SLC12A6: variants seen among roughly 807,000 people sequenced by gnomAD.
SLC12A6 encodes the protein solute carrier family 12 member 6.
Under a neutral mutation model 135.3 loss-of-function variants are expected in SLC12A6, and 66 were observed. The ratio of observed to expected loss-of-function variants is 0.49; its 90% CI spans 0.40 to 0.60. SLC12A6 has a LOEUF of 0.60. Ranked by LOEUF, SLC12A6 falls within the 20% of genes least tolerant of loss-of-function variation. SLC12A6 has a pLI of 0.00. For synonymous variants in SLC12A6, 513 were observed against 508.8 expected, an observed-to-expected ratio of 1.01 and a Z score of -0.11; for missense variants, 1,058 against 1,452.3, an observed-to-expected ratio of 0.73 and a Z score of 4.41.
At chr15:34,291,918 T>C (rs1412711701) in intron 2 of SLC12A6, among the ~76,000 whole-genome samples, 1 of 152,162 alleles carries the variant, frequency 6.6e-6, no homozygotes, top group African/African-American at 2.4e-5. Flanking sequence ...TTCCTTGCAA[T>C]GGGTGAGAAC....
chr15:34,285,475 A>C (rs1894982758), intron 2 of SLC12A6, among the ~76,000 whole-genome samples: 1 of 151,680 alleles, frequency 6.6e-6, no homozygotes, highest in South Asian at 2.1e-4. Flanking sequence ...ACAGAGAGCT[A>C]GCAATCGAAT....
chr15:34,261,013 T>C lies in SLC12A6; in HGVS notation c.324A>G (p.Gly108=), dbSNP rs1466783279. 1.3e-6 allele frequency: 2 copies of C among 1,543,938 alleles called. No individual in the cohort carries two copies. Among genetic ancestry groups the C allele is most frequent in the Non-Finnish European group, 1.8e-6 (2 of 1,116,244 alleles). ...GATAAGCATTTCGAGCTTTCTTATG[T>C]CCGTCGTCTGGAAAAAAAAAAGTAG... The part of the protein sequence containing the change: ...TGEHSQLLDD[G]HKKARNAYLN... Residue 108 remains glycine (G), a synonymous_variant, in exon 4 of 26, where the codon GGA becomes GGG. Transcript: ENST00000354181.
chr15:34,234,204 C>G (rs998302071), intron 25 of SLC12A6, among the ~76,000 whole-genome samples: 11 of 151,958 alleles, frequency 7.2e-5, no homozygotes, highest in African/African-American at 2.4e-4. Flanking sequence ...AATGGGAAAA[C>G]CTAGAAGTGT....
At chr15:34,328,014 C>T (rs1889589112) in intron 2 of SLC12A6, among the ~76,000 whole-genome samples, 2 of 151,612 alleles carry the variant, frequency 1.3e-5, no homozygotes, top group East Asian at 3.9e-4. Flanking sequence ...TTAGCAATGC[C>T]GTAATAAAAC....
chr15:34,266,008 CTT>C (rs34173980), intron 3 of SLC12A6, among the ~76,000 whole-genome samples: 2,373 of 102,244 alleles, frequency 0.023, 49 homozygotes, highest in African/African-American at 0.072. Flanking sequence ...ATACAGAAAG[CTT>C]TTTTTTTTTT....
intron 2 of SLC12A6, among the ~76,000 whole-genome samples, chr15:34,293,124 C>T (rs1895654525): frequency 6.6e-6 from 1 of 152,152 alleles, no homozygotes; most frequent in South Asian, 2.1e-4. Flanking sequence ...TAGACCAGAG[C>T]TGTTCCTATT....
intron 3 of SLC12A6, among the ~76,000 whole-genome samples, chr15:34,267,314 G>A (rs557403836): frequency 6.6e-6 from 1 of 151,072 alleles, no homozygotes; most frequent in African/African-American, 2.4e-5. Context: ...CGATGTACAA[G>A]TTTACTAGTT....
At chr15:34,300,775 G>T (rs1354688562) in intron 2 of SLC12A6, among the ~76,000 whole-genome samples, 1 of 130,532 alleles carries the variant, frequency 7.7e-6, no homozygotes, top group African/African-American at 3.0e-5. Context: ...TGGCCTGGGA[G>T]ACAGAGTGAC....
At chr15:34,309,620 G>C (rs961766292) in intron 2 of SLC12A6, among the ~76,000 whole-genome samples, 15 of 152,088 alleles carry the variant, frequency 9.9e-5, no homozygotes, top group African/African-American at 3.6e-4. Context: ...TCTAAACAAA[G>C]TTTTAAAATG....
chr15:34,329,549 A>C (rs1889697959), intron 2 of SLC12A6, among the ~76,000 whole-genome samples: 1 of 152,142 alleles, frequency 6.6e-6, no homozygotes, highest in Non-Finnish European at 1.5e-5. Flanking sequence ...TGCCACTGAG[A>C]ACAAAAGAAT....
At chr15:34,257,855 T>A in intron 5 of SLC12A6, 67 bp from the exon 6 acceptor site, 1 of 1,110,262 alleles carries the variant, frequency 9.0e-7, no homozygotes, top group Non-Finnish European at 1.4e-6. Flanking sequence ...TTCTTTTATG[T>A]AATAACTTGC....
At chr15:34,319,222 G>A (rs996873220) in intron 2 of SLC12A6, among the ~76,000 whole-genome samples, 3 of 146,668 alleles carry the variant, frequency 2.0e-5, no homozygotes, top group Admixed American at 1.4e-4. Context: ...TGCAACCTCC[G>A]CCTCCCAGGT....
At chr15:34,304,504 A>G (rs971684564) in intron 2 of SLC12A6, among the ~76,000 whole-genome samples, 4 of 152,254 alleles carry the variant, frequency 2.6e-5, no homozygotes, top group African/African-American at 9.6e-5. Context: ...CATTGTCACT[A>G]GTAGCAGATG....
chr15:34,275,867 T>G (rs1894263272), intron 2 of SLC12A6, among the ~76,000 whole-genome samples: 2 of 152,000 alleles, frequency 1.3e-5, no homozygotes, highest in African/African-American at 4.8e-5. Context: ...AAAAGATAAA[T>G]ATTATATGAC....
intron 2 of SLC12A6, among the ~76,000 whole-genome samples, chr15:34,323,742 G>C (rs55745608): frequency 0.18 from 26,813 of 151,904 alleles, 2,579 homozygotes; most frequent in East Asian, 0.33. Context: ...CTTGAGCTCA[G>C]GAGTTTGAGA....
At position 34,273,882 on chromosome 15, in the gene SLC12A6, GT is replaced by G. The variant is rs879337737; in HGVS notation, c.316+1462del. ...AACTATTTTAAGATTAATAATACCT[GT>G]TTTTTTTTTTATTATAGAGAGTCAA... is the stretch of plus-strand genomic sequence containing the variant. On this transcript the variant is annotated intron_variant, in intron 3 of 25. Coordinates refer to ENST00000354181, the MANE Select transcript of SLC12A6 (RefSeq NM_001365088.1). 1.2e-3 allele frequency among the ~76,000 whole-genome samples: 172 copies of G among 146,080 alleles called. 3 individuals carry two copies. Among genetic ancestry groups the G allele is most frequent in the African/African-American group, 2.5e-3 (99 of 40,090 alleles).
intron 13 of SLC12A6, among the ~76,000 whole-genome samples, chr15:34,246,239 GTT>G (rs142561604): frequency 6.7e-6 from 1 of 149,612 alleles, no homozygotes; most frequent in Non-Finnish European, 1.5e-5. Context: ...AGCCCACCCA[GTT>G]TTTTTTTTCT....
intron 22 of SLC12A6, 82 bp from the exon 23 acceptor site, chr15:34,236,897 A>G (rs1891306156): frequency 3.7e-6 from 3 of 816,944 alleles, no homozygotes; most frequent in Non-Finnish European, 6.5e-6. Context: ...TCCAGTCACT[A>G]AATTAAACCA....
chr15:34,277,621 G>T (rs566510517), intron 2 of SLC12A6, among the ~76,000 whole-genome samples: 1 of 152,218 alleles, frequency 6.6e-6, no homozygotes, highest in South Asian at 2.1e-4. Flanking sequence ...AAGCATAACA[G>T]AATTTTAGAA....
Sources: allele counts gnomAD v4.1 joint callset (sites outside exome capture counted in the v4.1 genomes callset), GRCh38; gene constraint gnomAD v4.1.1; transcripts MANE v1.5; gene names NCBI Gene and HGNC (gene_info 2026-07-23, HGNC 2026-07-21).